Variants in AFF1 observed in about 807,000 individuals in gnomAD.
The protein encoded by AFF1 is ALF transcription elongation factor 1, also known as AF4/FMR2 family member 1.
A neutral mutation model predicts 121.7 loss-of-function variants in AFF1; 48 were observed. The ratio of observed to expected loss-of-function variants is 0.39; its 90% CI spans 0.31 to 0.50. The LOEUF (loss-of-function observed/expected upper bound fraction) is 0.50. Among genes scored for constraint, AFF1 ranks in the 20% least tolerant of loss-of-function variants. The probability of loss-of-function intolerance (pLI) is 0.76; values close to 1 mark genes in which losing one functional copy is unlikely to be tolerated. For missense variants in AFF1, 1,523 were observed against 1,511.7 expected, an observed-to-expected ratio of 1.01 and a Z score of -0.12; for synonymous variants, 613 against 563.0, an observed-to-expected ratio of 1.09 and a Z score of -1.26.
At chr4:87,115,409 CTT>C in intron 12 of AFF1, 110 bp downstream of exon 12, 1 of 1,155,532 alleles carries the variant, frequency 8.7e-7, no homozygotes, top group Non-Finnish European at 1.2e-6. Flanking sequence ...TCTCACAAGT[CTT>C]TGCTTTGATT....
In AFF1 at chr4:87,046,677, A is replaced by G. The variant is rs1446136030; in HGVS notation, c.160-18A>G. On this transcript the variant is annotated intron_variant, in intron 3 of 20. Transcript: ENST00000395146. ...TTCCTTAGTTTTTTTTCATTCTCAA[A>G]TTCTCCTTTTTTTTCAGACAGCAAA... is the stretch of plus-strand genomic sequence containing the variant. 1.9e-6 allele frequency: 3 copies of G among 1,582,246 alleles called. No individual in the cohort carries two copies. Among genetic ancestry groups the G allele is most frequent in the Admixed American group, 3.7e-5 (2 of 54,158 alleles).
intron 2 of AFF1, among the ~76,000 whole-genome samples, chr4:87,013,032 C>G (rs1379892835): frequency 3.2e-5 from 3 of 93,514 alleles, no homozygotes; most frequent in African/African-American, 8.6e-5. Context: ...CTATCAAGTT[C>G]TTTTTTTTTT....
intron 12 of AFF1, among the ~76,000 whole-genome samples, chr4:87,124,545 AAAAT>A (rs1163389459): frequency 6.6e-6 from 1 of 152,228 alleles, no homozygotes; most frequent in Non-Finnish European, 1.5e-5. Context: ...TTTTCAGTAG[AAAAT>A]AAAGTAAGCT....
intron 12 of AFF1, among the ~76,000 whole-genome samples, chr4:87,117,524 T>C (rs1411929417): frequency 6.6e-6 from 1 of 152,184 alleles, no homozygotes; most frequent in Non-Finnish European, 1.5e-5. Context: ...CTGGTAATCC[T>C]AGTGCCTATC....
At chr4:87,012,182 T>C (rs897879172) in intron 2 of AFF1, among the ~76,000 whole-genome samples, 1 of 151,816 alleles carries the variant, frequency 6.6e-6, no homozygotes, top group Non-Finnish European at 1.5e-5. Context: ...ATATATAAAC[T>C]TAGTTTTCTG....
intron 17 of AFF1, 106 bp downstream of exon 17, chr4:87,131,325 G>A: frequency 6.9e-7 from 1 of 1,454,798 alleles, no homozygotes; most frequent in Non-Finnish European, 9.3e-7. Flanking sequence ...ATAAAGGGGA[G>A]CCTTAAAAAA....
In AFF1 at chr4:87,073,327, G is replaced by T. The variant is rs559755599; in HGVS notation, c.1060-10793G>T. ...AAAAAAAAAAAAAGCGGGGGCGGAG[G>T]ATTTACTTGTTCAGAATTAAGATGT... On this transcript the variant is annotated intron_variant, in intron 4 of 20. Transcript: ENST00000395146. Among the ~76,000 whole-genome samples the T allele has an allele frequency of 3.6e-5, 5 of 139,826 alleles. No homozygotes were observed. The South Asian group carries it at 9.0e-4, about 25-fold the overall frequency. The allele number at this position is 139,826 out of a possible 152,430, so 91.7% of individuals were successfully genotyped here.
At chr4:87,033,094 G>A (rs930896558) in intron 2 of AFF1, among the ~76,000 whole-genome samples, 2 of 152,238 alleles carry the variant, frequency 1.3e-5, no homozygotes, top group Non-Finnish European at 2.9e-5. Flanking sequence ...AGGCTGCAGC[G>A]AGCCATGATT....
In AFF1 at chr4:87,022,781, T is replaced by TAC. The variant is rs1273469039; in HGVS notation, c.39-23383_39-23382dup. 3.3e-5 allele frequency among the ~76,000 whole-genome samples: 5 copies of TAC among 150,940 alleles called. No individual in the cohort carries two copies. In the East Asian group the frequency reaches 5.8e-4, roughly 18 times the overall value. On this transcript the variant is annotated intron_variant, in intron 2 of 20. Transcript: ENST00000395146. ...ATAATATCATGTGTGTGTATATATATACATATCACGTGTGTGTATATATAT... is the reference window on the plus strand; with the variant it reads ...ATAATATCATGTGTGTGTATATATATACACATATCACGTGTGTGTATATATAT...
At chr4:87,118,084 C>G (rs758774105) in intron 12 of AFF1, among the ~76,000 whole-genome samples, 6 of 152,234 alleles carry the variant, frequency 3.9e-5, no homozygotes, top group Non-Finnish European at 7.3e-5. Flanking sequence ...AATAGAAGAA[C>G]TTGCTTGATC....
At chr4:87,057,148 A>G (rs959909508) in intron 4 of AFF1, among the ~76,000 whole-genome samples, 3 of 150,734 alleles carry the variant, frequency 2.0e-5, no homozygotes, top group Middle Eastern at 3.2e-3. Context: ...CATCCAGGCT[A>G]AAGGCTTAGG....
chr4:87,105,506 T>G (rs1425701211), intron 8 of AFF1, 122 bp from the exon 9 acceptor site: 1 of 1,036,400 alleles, frequency 9.6e-7, no homozygotes, highest in African/African-American at 1.6e-5. Flanking sequence ...CTTTAATAAA[T>G]AAAGAAAACT....
intron 2 of AFF1, among the ~76,000 whole-genome samples, chr4:86,954,183 T>C (rs373493359): frequency 1.5e-4 from 23 of 152,342 alleles, no homozygotes; most frequent in African/African-American, 5.3e-4. Context: ...AATATAATCA[T>C]ATAGCATATA....
At position 87,114,396 on chromosome 4, in the gene AFF1, G is replaced by A. The variant is rs767867036; in HGVS notation, c.1563G>A (p.Gln521=). 1 of 1,602,716 alleles carries A rather than the reference G, an allele frequency of 6.2e-7. No individual in the cohort carries two copies. Among genetic ancestry groups the A allele is most frequent in the Non-Finnish European group, 8.5e-7 (1 of 1,177,496 alleles). The change falls in exon 12 of 21, where the codon CAG becomes CAA. Residue 521 remains glutamine (Q), a synonymous_variant. Coordinates refer to ENST00000395146, the MANE Select transcript of AFF1 (RefSeq NM_001166693.3). Reference sequence around the variant, plus strand: ...AGCCTCCAACAACAAACAAATGGCAGCTGGACAACTGGCTGACCAAAGTCA... The same window carrying A: ...AGCCTCCAACAACAAACAAATGGCAACTGGACAACTGGCTGACCAAAGTCA... ...EPEPPTTNKW[Q]LDNWLTKVSQ... is the part of the protein sequence containing the mutation.
At chr4:87,046,650 T>C in intron 3 of AFF1, 45 bp from the exon 4 acceptor site, 1 of 1,556,146 alleles carries the variant, frequency 6.4e-7, no homozygotes, top group East Asian at 2.3e-5. Flanking sequence ...TAAATGGTAG[T>C]TTTCCTTAGT....
intron 2 of AFF1, among the ~76,000 whole-genome samples, chr4:87,028,898 G>T (rs981989395): frequency 1.8e-4 from 28 of 152,322 alleles, no homozygotes; most frequent in South Asian, 1.2e-3. Context: ...CAGGCGGATT[G>T]TCCCCAAAGG....
At chr4:86,978,253 G>A (rs1263570012) in intron 2 of AFF1, among the ~76,000 whole-genome samples, 1 of 121,276 alleles carries the variant, frequency 8.2e-6, no homozygotes, top group Non-Finnish European at 1.6e-5. Flanking sequence ...GCACAACCTC[G>A]GCTCACTGCA....
intron 4 of AFF1, among the ~76,000 whole-genome samples, chr4:87,078,072 C>A (rs555203084): frequency 1.3e-5 from 2 of 152,262 alleles, no homozygotes; most frequent in Non-Finnish European, 2.9e-5. Context: ...GCACTTAATC[C>A]TCCTACCAAT....
chr4:87,027,781 T>C (rs1728665150), intron 2 of AFF1, among the ~76,000 whole-genome samples: 1 of 145,312 alleles, frequency 6.9e-6, no homozygotes. Flanking sequence ...TTGTTGCTGT[T>C]GGGTTTTTTT....
Sources: allele counts gnomAD v4.1 joint callset (sites outside exome capture counted in the v4.1 genomes callset), GRCh38; gene constraint gnomAD v4.1.1; transcripts MANE v1.5; gene names NCBI Gene and HGNC (gene_info 2026-07-23, HGNC 2026-07-21).